SYT7: variants seen among roughly 807,000 people sequenced by gnomAD.
SYT7 encodes synaptotagmin 7, also known as synaptotagmin-7.
Under a neutral mutation model 75.1 loss-of-function variants are expected in SYT7, and 29 were observed. The ratio of observed to expected loss-of-function variants is 0.39; its 90% CI spans 0.29 to 0.53. SYT7 has a LOEUF of 0.53. Among genes scored for constraint, SYT7 ranks in the 20% least tolerant of loss-of-function variants. The pLI, the probability that SYT7 is intolerant of heterozygous loss-of-function variation, is 0.77. For synonymous variants in SYT7, 376 were observed against 401.7 expected (o/e 0.94, Z 0.76); for missense variants, 693 against 953.2 (o/e 0.73, Z 3.59).
chr11:61,584,771 T>A (rs968252720), upstream of SYT7, among the ~76,000 whole-genome samples: 4 of 152,204 alleles, frequency 2.6e-5, no homozygotes, highest in African/African-American at 7.2e-5. Context: ...GCAGGTCCTC[T>A]GAGGAAAAAG....
chr11:61,524,794 G>A lies in SYT7; in HGVS notation c.1472-262C>T. 2 of 376,258 alleles carry A rather than the reference G, an allele frequency of 5.3e-6. No homozygotes were observed. The highest frequency in any genetic ancestry group is 2.1e-5 in the African/African-American group (1 of 47,412). 23.3% of individuals were successfully genotyped at this position (376,258 alleles called of 1,614,324 possible). ...ACAGATGAGGCTCAGACGGCTTAAA[G>A]TACTTGCCCAGACTCCCAGCTAGTA... On this transcript the variant is annotated intron_variant, in intron 9 of 12. Transcript: ENST00000539008. The surrounding 1 kb of genome is among the most constrained non-coding windows in gnomAD (Gnocchi z 4.1).
chr11:61,537,488 G>A (rs1039613974), intron 7 of SYT7, among the ~76,000 whole-genome samples: 22 of 152,334 alleles, frequency 1.4e-4, no homozygotes, highest in Admixed American at 1.2e-3. Flanking sequence ...GAGGCCAGCC[G>A]CAGTGAAAAG....
upstream of SYT7, among the ~76,000 whole-genome samples, chr11:61,584,954 G>A (rs577756033): frequency 6.6e-6 from 1 of 152,360 alleles, no homozygotes; most frequent in Admixed American, 6.5e-5. Context: ...TCCATGACGT[G>A]GCAGGAAATG....
chr11:61,581,253 C>G (rs1489422077), upstream of SYT7: 1 of 147,232 alleles, frequency 6.8e-6, no homozygotes, highest in Non-Finnish European at 1.5e-5. Context: ...CGCCGCCGCC[C>G]GAAGCCGCCC....
intron 5 of SYT7, among the ~76,000 whole-genome samples, chr11:61,544,385 G>C (rs1290340287): frequency 1.3e-5 from 2 of 152,234 alleles, no homozygotes; most frequent in East Asian, 3.9e-4. Flanking sequence ...AAGAGGGAGA[G>C]AAAGAGTATA....
Position 61,538,337 on chromosome 11 carries a change from G to A in SYT7, c.942-71C>T, listed in dbSNP as rs2062930926. 3.1e-6 allele frequency: 3 copies of A among 971,454 alleles called. No homozygotes were observed. In the South Asian group the frequency reaches 4.8e-5, roughly 16 times the overall value. 60.2% of individuals were successfully genotyped at this position (971,454 alleles called of 1,614,324 possible). A position where few individuals can be genotyped will look rare whatever the true frequency, so the allele number is the denominator to read the frequency against. ...CCCGTGGGCGGGGGCAGGGGGGAAGGAGAGAGAGGGAGAGAGAGAGAGAGA... is the reference window on the plus strand; with the variant it reads ...CCCGTGGGCGGGGGCAGGGGGGAAGAAGAGAGAGGGAGAGAGAGAGAGAGA... On this transcript the variant is annotated intron_variant, in intron 6 of 12. Coordinates refer to ENST00000539008, the MANE Select transcript of SYT7 (RefSeq NM_001365809.2).
rs186284697 is a variant in SYT7 at position 61,529,020 on chromosome 11, C to A, written c.1201-835G>T. Among the ~76,000 whole-genome samples, 16 of 152,222 alleles carry A rather than the reference C, an allele frequency of 1.1e-4. No individual in the cohort carries two copies. The East Asian group carries it at 2.7e-3, about 26-fold the overall frequency. ...AGCAGCTGGGAGGAGGGTCTCCCAGCCACGTGTCTGAACCTGTGAGCACAC... is the reference window on the plus strand; with the variant it reads ...AGCAGCTGGGAGGAGGGTCTCCCAGACACGTGTCTGAACCTGTGAGCACAC... On this transcript the variant is annotated intron_variant, in intron 8 of 12. Coordinates refer to ENST00000539008, the MANE Select transcript of SYT7 (RefSeq NM_001365809.2).
intron 1 of SYT7, among the ~76,000 whole-genome samples, chr11:61,571,314 C>A (rs548093107): frequency 2.0e-5 from 3 of 152,370 alleles, no homozygotes; most frequent in Admixed American, 2.0e-4. Context: ...CACACCCACT[C>A]CTGTGCCTCC....
chr11:61,572,597 C>A (rs1046195329), intron 1 of SYT7, among the ~76,000 whole-genome samples: 2 of 152,186 alleles, frequency 1.3e-5, no homozygotes, highest in Non-Finnish European at 2.9e-5. Flanking sequence ...TTGGATATCT[C>A]CCTTGCAAGA....
chr11:61,579,381 C>A (rs2064177565), intron 1 of SYT7, among the ~76,000 whole-genome samples: 1 of 152,214 alleles, frequency 6.6e-6, no homozygotes, highest in African/African-American at 2.4e-5. Flanking sequence ...AGGCAATGCC[C>A]CTTCAGCCCT....
In SYT7 at chr11:61,546,721, T is replaced by TCAC. The variant is rs1246773626; in HGVS notation, c.347+453_347+455dup. On this transcript the variant is annotated intron_variant, in intron 4 of 12. Coordinates refer to ENST00000539008, the MANE Select transcript of SYT7 (RefSeq NM_001365809.2). This position sits in a 1 kb window ranked among gnomAD's most constrained non-coding sequence, Gnocchi z 7.6. ...AGAAAGCCGTGTTAGTCAGAGTTCATCACCACCACCACCACCATCACCGCC... is the reference window on the plus strand; with the variant it reads ...AGAAAGCCGTGTTAGTCAGAGTTCATCACCACCACCACCACCACCATCACCGCC... 1.1e-5 allele frequency: 5 copies of TCAC among 446,652 alleles called. No individual in the cohort carries two copies. Among genetic ancestry groups the TCAC allele is most frequent in the East Asian group, 7.1e-5 (1 of 14,094 alleles). 27.7% of individuals were successfully genotyped at this position (446,652 alleles called of 1,614,324 possible). A position where few individuals can be genotyped will look rare whatever the true frequency, so the allele number is the denominator to read the frequency against.
In SYT7 at chr11:61,546,537, C is replaced by T. The variant is rs1482526760; in HGVS notation, c.348-282G>A. ...CTGGGGGTCGGAGAACAACGCACCACGACAACGGAGGGGGGGCCCCTCCCC... is the reference window on the plus strand; with the variant it reads ...CTGGGGGTCGGAGAACAACGCACCATGACAACGGAGGGGGGGCCCCTCCCC... On this transcript the variant is annotated intron_variant, in intron 4 of 12. Transcript: ENST00000539008. This position sits in a 1 kb window ranked among gnomAD's most constrained non-coding sequence, Gnocchi z 7.6. The T allele has an allele frequency of 2.2e-6, 1 of 454,904 alleles. No individual in the cohort carries two copies. The highest frequency in any genetic ancestry group is 2.2e-5 in the African/African-American group (1 of 45,678). The allele number at this position is 454,904 out of a possible 1,614,324, so 28.2% of individuals were successfully genotyped here.
At chr11:61,582,965 C>T (rs972542368), upstream of SYT7, among the ~76,000 whole-genome samples, 33 of 152,166 alleles carry the variant, frequency 2.2e-4, no homozygotes, top group Non-Finnish European at 8.8e-5. Context: ...TGGTAGCTCA[C>T]ACCTGTAAGC....
intron 1 of SYT7, among the ~76,000 whole-genome samples, chr11:61,558,340 T>G (rs2063547682): frequency 6.6e-6 from 1 of 151,924 alleles, no homozygotes. Context: ...TCCCAGCTAC[T>G]TGGGAGGCTG....
At chr11:61,571,706 TG>T (rs550466119) in intron 1 of SYT7, among the ~76,000 whole-genome samples, 23 of 152,274 alleles carry the variant, frequency 1.5e-4, no homozygotes, top group African/African-American at 5.1e-4. Context: ...CCAGCCAACC[TG>T]GGGGTGGAGA....
intron 7 of SYT7, among the ~76,000 whole-genome samples, chr11:61,535,246 G>A (rs2062835755): frequency 6.6e-6 from 1 of 152,230 alleles, no homozygotes; most frequent in South Asian, 2.1e-4. Context: ...AAGGCTGCCG[G>A]GTGGACGAGG....
intron 1 of SYT7, among the ~76,000 whole-genome samples, chr11:61,571,260 C>G (rs1288092302): frequency 1.3e-5 from 2 of 152,238 alleles, no homozygotes; most frequent in Non-Finnish European, 2.9e-5. Flanking sequence ...AGCACACACA[C>G]AGTCATGCAT....
chr11:61,548,969 G>A (rs1241447502), intron 3 of SYT7, among the ~76,000 whole-genome samples: 1 of 152,174 alleles, frequency 6.6e-6, no homozygotes, highest in Non-Finnish European at 1.5e-5. Flanking sequence ...TGGGTATGGA[G>A]GAGGCAGGAC....
At chr11:61,578,360 G>A (rs2064143007) in intron 1 of SYT7, among the ~76,000 whole-genome samples, 1 of 152,012 alleles carries the variant, frequency 6.6e-6, no homozygotes, top group African/African-American at 2.4e-5. Flanking sequence ...GAGCAGGAGA[G>A]GACAGATTTT....
Sources: gnomAD v4.1 joint callset for allele counts (sites outside exome capture counted in the v4.1 genomes callset) on GRCh38, gnomAD v4.1.1 for gene constraint, Gnocchi (gnomAD v3.1) non-coding constraint, MANE v1.5 for transcripts, NCBI Gene and HGNC (gene_info 2026-07-23, HGNC 2026-07-21) for gene names.